The following PPP2R5E variants were observed in gnomAD, a reference collection of about 807,000 sequenced individuals.
PPP2R5E encodes the protein protein phosphatase 2 regulatory subunit B'epsilon.
A neutral mutation model predicts 65.3 loss-of-function variants in PPP2R5E; 4 were observed. The ratio of observed to expected loss-of-function variants is 0.06; its 90% confidence interval spans 0.03 to 0.14. PPP2R5E has a LOEUF of 0.14. Among genes scored for constraint, PPP2R5E ranks in the 10% least tolerant of loss-of-function variants. The pLI is 1.00. For synonymous variants in PPP2R5E, 183 were observed against 187.4 expected, an observed-to-expected ratio of 0.98 and a Z score of 0.19; for missense variants, 274 against 556.1, an observed-to-expected ratio of 0.49 and a Z score of 5.10.
intron 3 of PPP2R5E, among the ~76,000 whole-genome samples, chr14:63,446,425 T>C (rs1327861452): frequency 6.6e-6 from 1 of 152,212 alleles, no homozygotes; most frequent in Non-Finnish European, 1.5e-5. Flanking sequence ...GGAATTACTA[T>C]CTATGGCAGC....
intron 3 of PPP2R5E, among the ~76,000 whole-genome samples, chr14:63,438,457 T>G (rs1594874768): frequency 6.6e-6 from 1 of 152,124 alleles, no homozygotes; most frequent in East Asian, 1.9e-4. Flanking sequence ...TTAAACCACA[T>G]TTTCAGCTTC....
At chr14:63,533,773 C>A (rs1193878795) in intron 2 of PPP2R5E, among the ~76,000 whole-genome samples, 1 of 152,026 alleles carries the variant, frequency 6.6e-6, no homozygotes, top group Admixed American at 6.6e-5. Flanking sequence ...GGAGAAACCC[C>A]GTCTCTACTA....
intron 2 of PPP2R5E, among the ~76,000 whole-genome samples, chr14:63,469,347 A>G (rs771741322): frequency 4.6e-5 from 7 of 152,244 alleles, no homozygotes; most frequent in African/African-American, 1.7e-4. Context: ...CTCTCAAAAA[A>G]AGTACAGTCC....
chr14:63,430,346 T>TATACATACATACATAC (rs36182172), intron 3 of PPP2R5E, among the ~76,000 whole-genome samples: 32 of 135,234 alleles, frequency 2.4e-4, no homozygotes, highest in African/African-American at 9.0e-4. Flanking sequence ...AAAACCCATG[T>TATACATACATACATAC]ATACATACAT....
chr14:63,438,836 T>G lies in PPP2R5E; in HGVS notation c.354+14853A>C, dbSNP rs572396594. On this transcript the variant is annotated intron_variant, in intron 3 of 13. Transcript: ENST00000337537. The stretch of plus-strand genomic sequence containing the variant: ...TGTCAGATTCCTTAAGAGAGAATGA[T>G]TGCGGAGAGAAATGCTAAATTATTA... Among the ~76,000 whole-genome samples the G allele has an allele frequency of 1.1e-4, 17 of 152,256 alleles. No individual in the cohort carries two copies. The East Asian group carries it at 3.1e-3, about 28-fold the overall frequency.
Position 63,529,392 on chromosome 14 carries a change from ACT to A in PPP2R5E, c.157+10135_157+10136del, listed in dbSNP as rs1410478641. On this transcript the variant is annotated intron_variant, in intron 2 of 13. Coordinates refer to ENST00000337537, the MANE Select transcript of PPP2R5E (RefSeq NM_006246.5). The stretch of plus-strand genomic sequence containing the variant: ...TTTTTTTTTTTTGAGACAGAGTCTC[ACT>A]CTGTCGCCCAGGCTGGAGTGCAGTG... 2.3e-5 allele frequency among the ~76,000 whole-genome samples: 3 copies of A among 130,200 alleles called. No individual in the cohort carries two copies. In the South Asian group the frequency reaches 7.2e-4, roughly 31 times the overall value. The allele number at this position is 130,200 out of a possible 152,430, so 85.4% of individuals were successfully genotyped here.
intron 2 of PPP2R5E, among the ~76,000 whole-genome samples, chr14:63,522,908 T>G (rs1276295855): frequency 1.9e-4 from 19 of 99,622 alleles, no homozygotes; most frequent in Admixed American, 3.3e-4. Context: ...GGGAGGGAGG[T>G]CGGGGGGTCA....
chr14:63,464,969 G>A (rs1342454894), intron 2 of PPP2R5E, among the ~76,000 whole-genome samples: 1 of 151,626 alleles, frequency 6.6e-6, no homozygotes. Flanking sequence ...GTTGCAACGA[G>A]CCGAAATTGT....
At chr14:63,472,059 T>TG (rs1406033724) in intron 2 of PPP2R5E, among the ~76,000 whole-genome samples, 1 of 152,174 alleles carries the variant, frequency 6.6e-6, no homozygotes, top group Non-Finnish European at 1.5e-5. Context: ...CCAGCACTGT[T>TG]GGAGGCCAAG....
intron 2 of PPP2R5E, among the ~76,000 whole-genome samples, chr14:63,506,842 A>G (rs1380342824): frequency 1.3e-5 from 2 of 152,244 alleles, no homozygotes; most frequent in Non-Finnish European, 2.9e-5. Context: ...AAAATTGTAC[A>G]TGAATGTTCA....
rs940700115 is a variant in PPP2R5E, at chr14:63,373,315, G to C, written c.*2694C>G. ...TGAAGCAAACAAAATATAACACAAA[G>C]ATGCATTTGTCACAATTAACTCAAG... On this transcript the variant is annotated 3_prime_UTR_variant, in exon 14 of 14. Transcript: ENST00000337537. 2.0e-5 allele frequency: 3 copies of C among 152,126 alleles called. No individual in the cohort carries two copies. The highest frequency in any genetic ancestry group is 7.2e-5 in the African/African-American group (3 of 41,430). The allele number at this position is 152,126 out of a possible 1,614,324, so 9.4% of individuals were successfully genotyped here.
chr14:63,379,264 G>A (rs548028329), intron 13 of PPP2R5E, among the ~76,000 whole-genome samples: 40 of 151,980 alleles, frequency 2.6e-4, no homozygotes, highest in African/African-American at 8.7e-4. Flanking sequence ...TCCTAACCTC[G>A]TGATCCGCCC....
chr14:63,411,708 C>G (rs983938244), intron 5 of PPP2R5E, among the ~76,000 whole-genome samples: 1 of 145,646 alleles, frequency 6.9e-6, no homozygotes, highest in African/African-American at 2.5e-5. Flanking sequence ...CCCCCTCTGT[C>G]TTGCTCCTCT....
At chr14:63,495,737 C>G (rs1050607987) in intron 2 of PPP2R5E, among the ~76,000 whole-genome samples, 3 of 151,838 alleles carry the variant, frequency 2.0e-5, no homozygotes, top group Non-Finnish European at 4.4e-5. Flanking sequence ...GTAACCCAGG[C>G]TGGAGTGCAG....
intron 4 of PPP2R5E, 79 bp from the exon 5 acceptor site, chr14:63,415,311 A>G: frequency 1.1e-6 from 1 of 926,298 alleles, no homozygotes; most frequent in South Asian, 2.0e-5. Flanking sequence ...AGCCTGTAAC[A>G]CTAAAAGTGA....
chr14:63,487,837 C>T (rs2139620685), intron 2 of PPP2R5E, among the ~76,000 whole-genome samples: 1 of 152,312 alleles, frequency 6.6e-6, no homozygotes, highest in East Asian at 1.9e-4. Flanking sequence ...TAATTTTCCT[C>T]TCAGATTCAG....
chr14:63,420,260 G>C (rs958511099), intron 4 of PPP2R5E, among the ~76,000 whole-genome samples: 12 of 152,070 alleles, frequency 7.9e-5, no homozygotes, highest in African/African-American at 2.9e-4. Context: ...TTTTGTTGTT[G>C]TTAAGTTTCT....
chr14:63,506,333 C>G (rs1008687482), intron 2 of PPP2R5E, among the ~76,000 whole-genome samples: 1 of 152,048 alleles, frequency 6.6e-6, no homozygotes, highest in Non-Finnish European at 1.5e-5. Flanking sequence ...CGCCTGTAGT[C>G]CCAGCTACTC....
intron 11 of PPP2R5E, 74 bp downstream of exon 11, chr14:63,389,538 C>T (rs1464736994): frequency 6.1e-6 from 9 of 1,474,122 alleles, no homozygotes; most frequent in Non-Finnish European, 8.2e-6. Flanking sequence ...GGGTCCATTA[C>T]ATTGCTTTTG....
Sources: allele counts gnomAD v4.1 joint callset (sites outside exome capture counted in the v4.1 genomes callset), GRCh38; gene constraint gnomAD v4.1.1; transcripts MANE v1.5; gene names NCBI Gene and HGNC (gene_info 2026-07-23, HGNC 2026-07-21).